SCFD2: variants seen among roughly 807,000 people sequenced by gnomAD.
SCFD2 encodes sec1 family domain-containing protein 2.
SCFD2 carries 54 observed loss-of-function variants against 58.9 expected under a neutral mutation model. That is an observed-to-expected ratio of 0.92 (90% CI 0.74 to 1.15). The LOEUF (loss-of-function observed/expected upper bound fraction) is 1.15, where lower values mean the gene tolerates loss of function less well. Ranked by LOEUF, SCFD2 falls within the 50% of genes most tolerant of loss-of-function variation. SCFD2 has a pLI of 0.00. For missense variants in SCFD2, 805 were observed against 836.6 expected, an observed-to-expected ratio of 0.96 and a Z score of 0.47; for synonymous variants, 321 against 335.9, an observed-to-expected ratio of 0.96 and a Z score of 0.49.
intron 5 of SCFD2, among the ~76,000 whole-genome samples, chr4:53,079,531 A>C (rs545255758): frequency 4.5e-4 from 68 of 152,288 alleles, no homozygotes; most frequent in African/African-American, 1.6e-3. Context: ...TTGGATCCAA[A>C]AATTTTTTTT....
chr4:53,300,043 A>G (rs2149096737), intron 3 of SCFD2, among the ~76,000 whole-genome samples: 1 of 152,316 alleles, frequency 6.6e-6, no homozygotes, highest in Non-Finnish European at 1.5e-5. Flanking sequence ...GCATCAACTA[A>G]CGAGCAAAAA....
intron 5 of SCFD2, among the ~76,000 whole-genome samples, chr4:53,005,453 T>C (rs1721952913): frequency 6.6e-6 from 1 of 152,138 alleles, no homozygotes; most frequent in African/African-American, 2.4e-5. Context: ...CCTCAACCAC[T>C]TCCACTTTTT....
chr4:53,303,602 G>A (rs1700185104), intron 3 of SCFD2, among the ~76,000 whole-genome samples: 2 of 152,142 alleles, frequency 1.3e-5, no homozygotes, highest in Non-Finnish European at 2.9e-5. Flanking sequence ...CCATTACTGT[G>A]TATATACCCA....
intron 5 of SCFD2, among the ~76,000 whole-genome samples, chr4:53,002,392 C>A (rs1429313227): frequency 6.6e-6 from 1 of 152,162 alleles, no homozygotes. Flanking sequence ...ACCAACATTG[C>A]TTGTCTGATA....
At chr4:53,353,042 G>A (rs947880485) in intron 1 of SCFD2, among the ~76,000 whole-genome samples, 4 of 152,170 alleles carry the variant, frequency 2.6e-5, no homozygotes, top group Admixed American at 2.6e-4. Flanking sequence ...GAATTGGTGA[G>A]TTCTTGGTCT....
At chr4:53,247,847 AAC>A (rs1730153467) in intron 4 of SCFD2, among the ~76,000 whole-genome samples, 1 of 101,346 alleles carries the variant, frequency 9.9e-6, no homozygotes, top group Admixed American at 1.1e-4. Flanking sequence ...CAGCCTGGGC[AAC>A]AGAGCGAGAC....
chr4:53,123,539 G>GGT (rs146532541), intron 5 of SCFD2, among the ~76,000 whole-genome samples: 1 of 132,692 alleles, frequency 7.5e-6, no homozygotes, highest in South Asian at 2.7e-4. Context: ...GGGTGGGGGG[G>GGT]GGGCACTGAC....
At chr4:53,221,426 G>T (rs1032683925) in intron 4 of SCFD2, among the ~76,000 whole-genome samples, 3 of 152,134 alleles carry the variant, frequency 2.0e-5, no homozygotes, top group Non-Finnish European at 2.9e-5. Context: ...ATCTTGCCTT[G>T]TAATAAAAAC....
chr4:52,878,534 T>C (rs977828808), intron 8 of SCFD2, among the ~76,000 whole-genome samples: 1 of 152,204 alleles, frequency 6.6e-6, no homozygotes, highest in Non-Finnish European at 1.5e-5. Context: ...ATTTTCAGAA[T>C]TTTTAAAGCA....
At chr4:52,922,664 T>C (rs974301093) in intron 5 of SCFD2, among the ~76,000 whole-genome samples, 3 of 152,244 alleles carry the variant, frequency 2.0e-5, no homozygotes, top group African/African-American at 7.2e-5. Flanking sequence ...GTAATGCTGC[T>C]AGTTTTACAT....
intron 5 of SCFD2, among the ~76,000 whole-genome samples, chr4:53,005,257 G>T (rs533116740): frequency 1.6e-4 from 25 of 152,272 alleles, no homozygotes; most frequent in African/African-American, 5.8e-4. Flanking sequence ...TGAGACCAAG[G>T]TAATAGATGT....
intron 2 of SCFD2, among the ~76,000 whole-genome samples, chr4:53,325,985 T>C (rs1383777847): frequency 6.6e-6 from 1 of 152,198 alleles, no homozygotes; most frequent in Non-Finnish European, 1.5e-5. Context: ...GCTGAGTTTA[T>C]GCAAAATATG....
chr4:53,305,064 CAGTT>C (rs1732470107), intron 3 of SCFD2, among the ~76,000 whole-genome samples: 1 of 152,096 alleles, frequency 6.6e-6, no homozygotes, highest in African/African-American at 2.4e-5. Context: ...TTCCTTCTAA[CAGTT>C]AGGACTCTCT....
chr4:53,300,784 T>C (rs566042548), intron 3 of SCFD2, among the ~76,000 whole-genome samples: 2 of 152,178 alleles, frequency 1.3e-5, no homozygotes, highest in East Asian at 1.9e-4. Context: ...TAGAACTCAG[T>C]ATTAAGAAAC....
intron 5 of SCFD2, among the ~76,000 whole-genome samples, chr4:53,072,574 TA>T (rs144428995): frequency 0.042 from 6,357 of 151,928 alleles, 182 homozygotes; most frequent in Middle Eastern, 0.078. Flanking sequence ...AATAAAAGAT[TA>T]GGGGGGGGAA....
intron 4 of SCFD2, among the ~76,000 whole-genome samples, chr4:53,261,360 A>C (rs1306951187): frequency 6.6e-6 from 1 of 152,024 alleles, no homozygotes; most frequent in Non-Finnish European, 1.5e-5. Flanking sequence ...TTTTTGATGT[A>C]GGCATTTAGT....
At position 53,179,188 on chromosome 4, in the gene SCFD2, C is replaced by CA. The variant is rs1277838732; in HGVS notation, c.1312-33607dup. 2.0e-5 allele frequency among the ~76,000 whole-genome samples: 3 copies of CA among 152,084 alleles called. No homozygotes were observed. In the East Asian group the frequency reaches 5.8e-4, roughly 29 times the overall value. On this transcript the variant is annotated intron_variant, in intron 4 of 8. Transcript: ENST00000401642. ...CTCCTCAAGAGGAGCAACTCCAAGA[C>CA]ACATAATTGTCAGATTCACCAAAGT... is the stretch of plus-strand genomic sequence containing the variant.
chr4:52,963,808 G>A (rs927379375), intron 5 of SCFD2, among the ~76,000 whole-genome samples: 3 of 152,136 alleles, frequency 2.0e-5, no homozygotes, highest in Non-Finnish European at 4.4e-5. Flanking sequence ...TAAAAACAGA[G>A]GTGAGGGGAG....
At chr4:53,066,572 G>A (rs940896393) in intron 5 of SCFD2, among the ~76,000 whole-genome samples, 6 of 152,090 alleles carry the variant, frequency 3.9e-5, no homozygotes, top group African/African-American at 1.2e-4. Flanking sequence ...ACTTGCACCT[G>A]TATGGGTCCT....
Sources: allele counts gnomAD v4.1 joint callset (sites outside exome capture counted in the v4.1 genomes callset), GRCh38; gene constraint gnomAD v4.1.1; transcripts MANE v1.5; gene names NCBI Gene and HGNC (gene_info 2026-07-23, HGNC 2026-07-21).